Variants in RANBP2 observed in about 807,000 individuals in gnomAD.
The protein encoded by RANBP2 is RAN binding protein 2, also known as E3 SUMO-protein ligase RanBP2.
Under a neutral mutation model 303.6 loss-of-function variants are expected in RANBP2, and 57 were observed. That is an observed-to-expected ratio of 0.19 (90% CI 0.15 to 0.23). The LOEUF (loss-of-function observed/expected upper bound fraction) is 0.23, where lower values mean the gene tolerates loss of function less well. Among genes scored for constraint, RANBP2 ranks in the 10% least tolerant of loss-of-function variants. The pLI is 1.00. For missense variants in RANBP2, 3,138 were observed against 3,780.8 expected, an observed-to-expected ratio of 0.83 and a Z score of 4.46; for synonymous variants, 1,167 against 1,301.5, an observed-to-expected ratio of 0.90 and a Z score of 2.23.
chr2:108,789,000 C>T (rs1384527957), downstream of RANBP2: 5 of 1,608,246 alleles, frequency 3.1e-6, no homozygotes, highest in Admixed American at 1.7e-5. Flanking sequence ...GTTGCTACCC[C>T]CTCAGTATCT....
chr2:109,041,877 A>C, the RANBP2 span, among the ~76,000 whole-genome samples: 1 of 151,866 alleles, frequency 6.6e-6, no homozygotes, highest in Non-Finnish European at 1.5e-5. Context: ...TTTTTTCTGC[A>C]TGTATTGAGT....
the RANBP2 span, chr2:108,791,542 T>C: frequency 1.2e-5 from 13 of 1,055,542 alleles, no homozygotes; most frequent in Middle Eastern, 5.5e-4. Context: ...TTTTACATGT[T>C]TACATTTTGC....
the RANBP2 span, chr2:108,794,693 A>G: frequency 6.2e-7 from 1 of 1,613,290 alleles, no homozygotes; most frequent in Non-Finnish European, 8.5e-7. Flanking sequence ...ATATATGACG[A>G]ATTATTTCAG....
downstream of RANBP2, chr2:108,786,672 A>G (rs956735009): frequency 1.8e-4 from 121 of 675,022 alleles, no homozygotes; most frequent in Non-Finnish European, 3.0e-4. Flanking sequence ...GCCGGGCTGC[A>G]GTCTCCGGGT....
At chr2:109,443,484 A>G in the RANBP2 span, among the ~76,000 whole-genome samples, 4 of 152,230 alleles carry the variant, frequency 2.6e-5, no homozygotes, top group African/African-American at 9.6e-5. Context: ...AAAGCACCAC[A>G]GATAATGACT....
the RANBP2 span, among the ~76,000 whole-genome samples, chr2:109,515,513 C>T: frequency 1.1e-4 from 17 of 152,176 alleles, no homozygotes; most frequent in African/African-American, 4.1e-4. Flanking sequence ...CCTTCCTAGG[C>T]CCCAGATCTC....
At chr2:109,325,835 A>AC in the RANBP2 span, among the ~76,000 whole-genome samples, 3 of 152,336 alleles carry the variant, frequency 2.0e-5, no homozygotes, top group Admixed American at 6.5e-5. Flanking sequence ...CCGAGCAGGG[A>AC]CCACACCTCC....
At chr2:109,171,433 CT>C in the RANBP2 span, among the ~76,000 whole-genome samples, 4 of 152,242 alleles carry the variant, frequency 2.6e-5, no homozygotes, top group African/African-American at 9.6e-5. Context: ...TTGAAATACT[CT>C]TCCTAACAAA....
chr2:108,876,207 T>A, the RANBP2 span: 1 of 1,613,198 alleles, frequency 6.2e-7, no homozygotes, highest in Non-Finnish European at 8.5e-7. Flanking sequence ...CTGTTCAATC[T>A]GGGTTTAACA....
the RANBP2 span, among the ~76,000 whole-genome samples, chr2:109,395,101 GTT>G: frequency 6.6e-6 from 1 of 152,262 alleles, no homozygotes; most frequent in Non-Finnish European, 1.5e-5. Context: ...CAGATGGAGA[GTT>G]TTGCCCCAGG....
the RANBP2 span, among the ~76,000 whole-genome samples, chr2:109,406,758 A>G: frequency 6.6e-6 from 1 of 152,212 alleles, no homozygotes; most frequent in Non-Finnish European, 1.5e-5. Context: ...CTCCTGGTGT[A>G]GAATGTCTCC....
At chr2:109,765,356 G>C in the RANBP2 span, among the ~76,000 whole-genome samples, 11 of 149,914 alleles carry the variant, frequency 7.3e-5, no homozygotes, top group East Asian at 4.1e-4. Context: ...TGATACACTT[G>C]GATATTTCCT....
At chr2:109,227,093 G>A in the RANBP2 span, among the ~76,000 whole-genome samples, 10 of 152,242 alleles carry the variant, frequency 6.6e-5, no homozygotes, top group South Asian at 1.9e-3. Flanking sequence ...ATGTTTCTGG[G>A]GTCTTTGCTG....
At chr2:109,385,865 A>T in the RANBP2 span, among the ~76,000 whole-genome samples, 1 of 151,652 alleles carries the variant, frequency 6.6e-6, no homozygotes, top group Non-Finnish European at 1.5e-5. Context: ...AGCCTTTTGT[A>T]TTTAAAAAGA....
chr2:109,251,223 G>C, the RANBP2 span, among the ~76,000 whole-genome samples: 1 of 151,868 alleles, frequency 6.6e-6, no homozygotes, highest in African/African-American at 2.4e-5. Flanking sequence ...GGCTGGTCTC[G>C]AACTCCTTAC....
At chr2:109,551,892 G>A in the RANBP2 span, among the ~76,000 whole-genome samples, 556 of 152,308 alleles carry the variant, frequency 3.7e-3, 3 homozygotes, top group African/African-American at 0.013. Flanking sequence ...GAAGTTCAGT[G>A]ATTTTTTTGG....
the RANBP2 span, among the ~76,000 whole-genome samples, chr2:109,305,378 A>T: frequency 0.31 from 47,173 of 151,838 alleles, 9,035 homozygotes; most frequent in African/African-American, 0.54. Flanking sequence ...AGGCCCATAC[A>T]GGTGTCTCGG....
chr2:108,719,772 C>G (rs1035435581), intron 1 of RANBP2, 94 bp downstream of exon 1: 58 of 1,531,630 alleles, frequency 3.8e-5, no homozygotes, highest in Middle Eastern at 2.3e-4. Context: ...GCGCTGCTCC[C>G]TGGCGCGCTC....
chr2:109,069,550 C>A, the RANBP2 span, among the ~76,000 whole-genome samples: 1 of 152,226 alleles, frequency 6.6e-6, no homozygotes, highest in African/African-American at 2.4e-5. Flanking sequence ...TAAAGATTTG[C>A]AACATCAAAG....
Sources: allele counts gnomAD v4.1 joint callset (sites outside exome capture counted in the v4.1 genomes callset), GRCh38; gene constraint gnomAD v4.1.1; transcripts MANE v1.5; gene names NCBI Gene and HGNC (gene_info 2026-07-23, HGNC 2026-07-21).